The following ARHGEF28 variants were observed in gnomAD, a reference collection of about 807,000 sequenced individuals.
ARHGEF28 encodes 190 kDa guanine nucleotide exchange factor.
In ARHGEF28, 152 loss-of-function variants were observed where a neutral mutation model predicts 206.6. That is an observed-to-expected ratio of 0.74 (90% CI 0.64 to 0.84). The LOEUF is 0.84. Ranked by LOEUF, ARHGEF28 falls within the 40% of genes least tolerant of loss-of-function variation. The probability of loss-of-function intolerance (pLI) is 0.00; values close to 1 mark genes in which losing one functional copy is unlikely to be tolerated. For missense variants in ARHGEF28, 2,028 were observed against 2,073.2 expected (o/e 0.98, Z 0.42); for synonymous variants, 763 against 776.4 (o/e 0.98, Z 0.29).
At chr5:73,749,791 C>G in intron 2 of ARHGEF28, 46 bp from the exon 3 acceptor site, 1 of 1,605,058 alleles carries the variant, frequency 6.2e-7, no homozygotes, top group Non-Finnish European at 8.5e-7. Flanking sequence ...TTTCTTAGAG[C>G]CAGGACAAGG....
intron 9 of ARHGEF28, among the ~76,000 whole-genome samples, chr5:73,800,484 G>A (rs1046224574): frequency 6.6e-6 from 1 of 151,904 alleles, no homozygotes; most frequent in Admixed American, 6.6e-5. Flanking sequence ...TTAATACTTC[G>A]GGTTACTTCA....
chr5:73,918,750 A>C (rs1042981449), intron 35 of ARHGEF28, among the ~76,000 whole-genome samples: 3 of 152,144 alleles, frequency 2.0e-5, no homozygotes, highest in Admixed American at 1.3e-4. Flanking sequence ...TGTGCAGCTA[A>C]TGAGAAGTAA....
chr5:73,854,192 C>A (rs1447974876), intron 14 of ARHGEF28, among the ~76,000 whole-genome samples: 2 of 152,208 alleles, frequency 1.3e-5, no homozygotes, highest in East Asian at 3.9e-4. Context: ...CCAATAAGAT[C>A]CCAAGCCATA....
At chr5:73,703,866 T>C (rs1748754461) in intron 2 of ARHGEF28, among the ~76,000 whole-genome samples, 1 of 151,790 alleles carries the variant, frequency 6.6e-6, no homozygotes, top group Admixed American at 6.6e-5. Flanking sequence ...TGAAACCCCG[T>C]CTCTACTAAA....
intron 9 of ARHGEF28, among the ~76,000 whole-genome samples, chr5:73,817,399 A>C (rs1425105682): frequency 6.6e-6 from 1 of 151,986 alleles, no homozygotes; most frequent in African/African-American, 2.4e-5. Flanking sequence ...AATCATAACT[A>C]CTCTTTACTA....
At chr5:73,694,918 G>A (rs919552206) in intron 2 of ARHGEF28, among the ~76,000 whole-genome samples, 2 of 152,266 alleles carry the variant, frequency 1.3e-5, no homozygotes, top group Admixed American at 6.5e-5. Flanking sequence ...GAGACAGAAA[G>A]TAAGTAGGTA....
chr5:73,741,385 GTATATATATATATATA>G (rs67973637), intron 2 of ARHGEF28, among the ~76,000 whole-genome samples: 194 of 21,658 alleles, frequency 9.0e-3, no homozygotes, highest in African/African-American at 0.025. Context: ...GTGTGTGTGT[GTATATATATATATATA>G]TATATATATA....
chr5:73,848,934 C>G (rs760287408), intron 12 of ARHGEF28, 42 bp from the exon 13 acceptor site: 3 of 1,356,414 alleles, frequency 2.2e-6, no homozygotes, highest in Non-Finnish European at 3.1e-6. Context: ...TATTTTCAGA[C>G]CATGTATAAA....
intron 7 of ARHGEF28, among the ~76,000 whole-genome samples, chr5:73,792,290 C>T (rs766673970): frequency 1.3e-4 from 20 of 152,108 alleles, no homozygotes; most frequent in Non-Finnish European, 2.9e-4. Flanking sequence ...CACGGAAAAA[C>T]GTAGGCATGG....
At position 73,893,058 on chromosome 5, in the gene ARHGEF28, G is replaced by T. The variant is rs188991724; in HGVS notation, c.3567-139G>T. On this transcript the variant is annotated intron_variant, in intron 27 of 35. Transcript: ENST00000513042. ...TCAAGAAAACCAAGTCTCTGGCCAG[G>T]GGGGATGATGCATTCCCTTTATGCT... 97 of 621,154 alleles carry T rather than the reference G, an allele frequency of 1.6e-4. 2 individuals are homozygous for T. The African/African-American group carries it at 1.7e-3, about 11-fold the overall frequency. The allele number at this position is 621,154 out of a possible 1,614,324, so 38.5% of individuals were successfully genotyped here.
At chr5:73,798,474 G>A (rs1037262636) in intron 9 of ARHGEF28, among the ~76,000 whole-genome samples, 3 of 152,182 alleles carry the variant, frequency 2.0e-5, no homozygotes, top group Admixed American at 6.5e-5. Flanking sequence ...ATCCAAGCCG[G>A]TGCCCCAGAA....
At position 73,714,732 on chromosome 5, in the gene ARHGEF28, A is replaced by T. The variant is rs75744425; in HGVS notation, c.33+29848A>T. ...GAGTATACATGATAAATTTTTACAAATATGTACACCTGTGTCACCATCACC... is the reference window on the plus strand; with the variant it reads ...GAGTATACATGATAAATTTTTACAATTATGTACACCTGTGTCACCATCACC... On this transcript the variant is annotated intron_variant, in intron 2 of 35. Transcript: ENST00000513042. Among the ~76,000 whole-genome samples the T allele has an allele frequency of 4.6e-5, 7 of 152,284 alleles. No homozygotes were observed. The East Asian group carries it at 1.4e-3, about 29-fold the overall frequency.
intron 1 of ARHGEF28, among the ~76,000 whole-genome samples, chr5:73,650,277 C>CTT (rs138217794): frequency 3.2e-5 from 3 of 94,026 alleles, no homozygotes; most frequent in Middle Eastern, 6.6e-3. Context: ...TTCTTTCTTT[C>CTT]TTTTTTTTTT....
chr5:73,822,173 G>C (rs941696208), intron 9 of ARHGEF28, among the ~76,000 whole-genome samples: 15 of 152,160 alleles, frequency 9.9e-5, no homozygotes, highest in Non-Finnish European at 7.3e-5. Flanking sequence ...TTTTCCGGGG[G>C]GAAGGAGGAG....
intron 1 of ARHGEF28, among the ~76,000 whole-genome samples, chr5:73,674,187 C>A (rs1746514432): frequency 6.6e-6 from 1 of 151,952 alleles, no homozygotes; most frequent in Non-Finnish European, 1.5e-5. Context: ...AAAACAAAAC[C>A]AAAAACAAAA....
chr5:73,778,250 T>C (rs775216432), intron 6 of ARHGEF28: 1 of 152,230 alleles, frequency 6.6e-6, no homozygotes, highest in Non-Finnish European at 1.5e-5. Context: ...GACAGCGGCA[T>C]GGCACTTGGT....
intron 22 of ARHGEF28, among the ~76,000 whole-genome samples, chr5:73,880,698 C>T (rs965175732): frequency 5.3e-5 from 8 of 152,208 alleles, no homozygotes; most frequent in Admixed American, 1.3e-4. Context: ...TTTGGGAGGC[C>T]GAGGTGGATG....
chr5:73,939,807 G>T (rs1172424927), intron 35 of ARHGEF28, among the ~76,000 whole-genome samples: 1 of 152,248 alleles, frequency 6.6e-6, no homozygotes, highest in Non-Finnish European at 1.5e-5. Flanking sequence ...CTGCACGTGT[G>T]TATATCCATC....
intron 35 of ARHGEF28, among the ~76,000 whole-genome samples, chr5:73,928,297 T>G (rs1167705167): frequency 6.6e-6 from 1 of 152,122 alleles, no homozygotes; most frequent in Non-Finnish European, 1.5e-5. Context: ...GTGCCTTTAA[T>G]CCCAGCTACG....
Sources: allele counts gnomAD v4.1 joint callset (sites outside exome capture counted in the v4.1 genomes callset), GRCh38; gene constraint gnomAD v4.1.1; transcripts MANE v1.5; gene names NCBI Gene and HGNC (gene_info 2026-07-23, HGNC 2026-07-21).